Variants in PTPN14 observed in about 807,000 individuals in gnomAD.
The protein encoded by PTPN14 is protein tyrosine phosphatase non-receptor type 14.
A neutral mutation model predicts 126.8 loss-of-function variants in PTPN14; 53 were observed. That is an observed-to-expected ratio of 0.42 (90% CI 0.34 to 0.53). The LOEUF (loss-of-function observed/expected upper bound fraction) is 0.53. PTPN14 is among the 20% of genes least tolerant of loss of function. The pLI, the probability that PTPN14 is intolerant of heterozygous loss-of-function variation, is 0.08. For missense variants in PTPN14, 1,257 were observed against 1,552.9 expected (o/e 0.81, Z 3.20); for synonymous variants, 630 against 599.3 (o/e 1.05, Z -0.75).
chr1:214,464,405 C>A (rs958568745), intron 2 of PTPN14, among the ~76,000 whole-genome samples: 2 of 152,142 alleles, frequency 1.3e-5, no homozygotes, highest in Non-Finnish European at 2.9e-5. Context: ...AAAAGGAAAC[C>A]TGCCACGCCA....
At chr1:214,532,836 A>C (rs1571652291) in intron 1 of PTPN14, 1 of 929,502 alleles carries the variant, frequency 1.1e-6, no homozygotes. Flanking sequence ...ACAAAGATGA[A>C]CTAAAAGGCC....
intron 11 of PTPN14, among the ~76,000 whole-genome samples, chr1:214,388,450 A>T (rs897036086): frequency 6.6e-6 from 1 of 151,626 alleles, no homozygotes; most frequent in African/African-American, 2.4e-5. Context: ...TCTATTGCCC[A>T]GGCTGGAGTG....
chr1:214,381,699 T>C (rs767521480), intron 13 of PTPN14, among the ~76,000 whole-genome samples: 8 of 152,218 alleles, frequency 5.3e-5, no homozygotes, highest in Non-Finnish European at 1.0e-4. Context: ...AGTGATGGGT[T>C]AGGAAGACCT....
At chr1:214,481,987 CAAAA>C (rs749522633) in intron 1 of PTPN14, among the ~76,000 whole-genome samples, 1 of 86,004 alleles carries the variant, frequency 1.2e-5, no homozygotes. Context: ...AGTCTGTCTC[CAAAA>C]AAAAAAAAAA....
chr1:214,385,148 A>G (rs541164001), intron 12 of PTPN14, among the ~76,000 whole-genome samples: 2 of 152,268 alleles, frequency 1.3e-5, no homozygotes, highest in South Asian at 4.2e-4. Context: ...GCTCGGCAAT[A>G]GGACTGAATA....
chr1:214,447,150 C>T (rs1346185017), intron 3 of PTPN14, among the ~76,000 whole-genome samples: 2 of 152,126 alleles, frequency 1.3e-5, no homozygotes, highest in Non-Finnish European at 2.9e-5. Flanking sequence ...TAGTCATTAA[C>T]CCGCTCCTAA....
At chr1:214,439,172 C>A (rs1659983949) in intron 3 of PTPN14, among the ~76,000 whole-genome samples, 1 of 152,164 alleles carries the variant, frequency 6.6e-6, no homozygotes, top group Non-Finnish European at 1.5e-5. Context: ...CTGATTCCAA[C>A]AATCATTCAA....
chr1:214,465,133 A>G (rs542559044), intron 1 of PTPN14, among the ~76,000 whole-genome samples, 176 bp from the exon 2 acceptor site: 1 of 151,828 alleles, frequency 6.6e-6, no homozygotes, highest in Admixed American at 6.6e-5. Flanking sequence ...CCCATGCCCT[A>G]TGCCTTATCT....
At chr1:214,396,793 C>A (rs549966922) in intron 8 of PTPN14, among the ~76,000 whole-genome samples, 108 of 152,192 alleles carry the variant, frequency 7.1e-4, no homozygotes, top group Non-Finnish European at 1.2e-3. Flanking sequence ...TAGGTTCAAA[C>A]AGAAACTGAA....
chr1:214,505,634 G>A (rs759004597), intron 1 of PTPN14, among the ~76,000 whole-genome samples: 1 of 152,294 alleles, frequency 6.6e-6, no homozygotes, highest in African/African-American at 2.4e-5. Flanking sequence ...AGTGTCTCAC[G>A]CCTGTAACCC....
intron 17 of PTPN14, among the ~76,000 whole-genome samples, chr1:214,368,183 T>A (rs900339668): frequency 1.3e-5 from 2 of 151,704 alleles, no homozygotes; most frequent in Non-Finnish European, 2.9e-5. Context: ...ACAATTTTTT[T>A]AATGTTATTC....
chr1:214,521,672 G>A (rs191876699), intron 1 of PTPN14, among the ~76,000 whole-genome samples: 7 of 151,958 alleles, frequency 4.6e-5, no homozygotes, highest in African/African-American at 1.2e-4. Context: ...CCGAGATAGC[G>A]CCACTGCATT....
At chr1:214,538,094 G>A (rs1655751043) in intron 1 of PTPN14, among the ~76,000 whole-genome samples, 2 of 152,194 alleles carry the variant, frequency 1.3e-5, no homozygotes, top group Non-Finnish European at 2.9e-5. Flanking sequence ...TAAAGGCTAC[G>A]TTATTAGTTG....
intron 5 of PTPN14, 32 bp downstream of exon 5, chr1:214,411,652 A>G: frequency 1.4e-6 from 2 of 1,400,920 alleles, no homozygotes; most frequent in Non-Finnish European, 2.0e-6. Context: ...AGAAGGTAGA[A>G]AATTAATTAA....
intron 1 of PTPN14, among the ~76,000 whole-genome samples, chr1:214,473,648 T>C (rs1425329787): frequency 6.6e-6 from 1 of 152,224 alleles, no homozygotes; most frequent in African/African-American, 2.4e-5. Flanking sequence ...GTCTGTGCTG[T>C]GTATAAACCT....
intron 6 of PTPN14, 98 bp from the exon 7 acceptor site, chr1:214,401,870 T>G: frequency 1.1e-5 from 11 of 988,362 alleles, no homozygotes; most frequent in Non-Finnish European, 1.6e-5. Context: ...GGTTTAGCTC[T>G]AGTTTCTGGG....
At chr1:214,440,459 A>C (rs1394822178) in intron 3 of PTPN14, among the ~76,000 whole-genome samples, 1 of 152,214 alleles carries the variant, frequency 6.6e-6, no homozygotes, top group Non-Finnish European at 1.5e-5. Context: ...GTGAGCAATA[A>C]AGAGAGGAAA....
chr1:214,440,756 G>C (rs932323993), intron 3 of PTPN14, among the ~76,000 whole-genome samples: 5 of 152,222 alleles, frequency 3.3e-5, no homozygotes, highest in Admixed American at 3.3e-4. Context: ...TCGGCAGTCA[G>C]GACCTAAATA....
intron 1 of PTPN14, among the ~76,000 whole-genome samples, chr1:214,470,011 C>G (rs566139609): frequency 7.9e-5 from 12 of 152,084 alleles, no homozygotes; most frequent in African/African-American, 2.9e-4. Context: ...TTGCTGAGAC[C>G]CATTTATAGA....
Sources: allele counts gnomAD v4.1 joint callset (sites outside exome capture counted in the v4.1 genomes callset), GRCh38; gene constraint gnomAD v4.1.1; transcripts MANE v1.5; gene names NCBI Gene and HGNC (gene_info 2026-07-23, HGNC 2026-07-21).